EXOC6B: variants seen among roughly 807,000 people sequenced by gnomAD.
EXOC6B encodes SEC15 homolog B.
In EXOC6B, 54 loss-of-function variants were observed where a neutral mutation model predicts 113.5. The ratio of observed to expected loss-of-function variants is 0.48; its 90% CI spans 0.38 to 0.60. The LOEUF (loss-of-function observed/expected upper bound fraction) is 0.60, where lower values mean the gene tolerates loss of function less well. Among genes scored for constraint, EXOC6B ranks in the 20% least tolerant of loss-of-function variants. EXOC6B has a pLI of 0.00. For missense variants in EXOC6B, 797 were observed against 977.5 expected (o/e 0.82, Z 2.46); for synonymous variants, 357 against 339.0 (o/e 1.05, Z -0.58).
rs141461300 is a variant in EXOC6B, at chr2:72,617,790, C to T, written c.670-42122G>A. On this transcript the variant is annotated intron_variant, in intron 6 of 21. Transcript: ENST00000272427. ...TCAGCCGCCCAAAGTGCTAGGATTA[C>T]AGGCTTGAGCCACCGCGCCCGGCCA... Among the ~76,000 whole-genome samples the T allele has an allele frequency of 2.8e-3, 422 of 152,212 alleles. 4 individuals are homozygous for T. The highest frequency in any genetic ancestry group is 8.8e-3 in the African/African-American group (367 of 41,526).
At chr2:72,227,079 A>C (rs1342863516) in intron 20 of EXOC6B, among the ~76,000 whole-genome samples, 1 of 152,218 alleles carries the variant, frequency 6.6e-6, no homozygotes, top group East Asian at 1.9e-4. Context: ...ATAACAAAAC[A>C]AGAGAAGCAA....
rs184166652 is a variant in EXOC6B, at chr2:72,475,465, G to A, written c.1800+5151C>T. On this transcript the variant is annotated intron_variant, in intron 17 of 21. Coordinates refer to ENST00000272427, the MANE Select transcript of EXOC6B (RefSeq NM_015189.3). ...CAGCTGTGGTAGTAGCAGTCATGTG[G>A]GTAGGCCCGACCTCAGGCACCTGGG... 1.3e-3 allele frequency among the ~76,000 whole-genome samples: 193 copies of A among 152,202 alleles called. 2 individuals are homozygous for A. The highest frequency in any genetic ancestry group is 3.7e-3 in the Admixed American group (56 of 15,286).
At chr2:72,355,493 C>T (rs924342231) in intron 19 of EXOC6B, among the ~76,000 whole-genome samples, 2 of 152,110 alleles carry the variant, frequency 1.3e-5, no homozygotes, top group South Asian at 4.1e-4. Flanking sequence ...AAGCAAGAGA[C>T]AAAATTCATT....
At chr2:72,631,208 A>T (rs920507799) in intron 6 of EXOC6B, among the ~76,000 whole-genome samples, 1 of 151,730 alleles carries the variant, frequency 6.6e-6, no homozygotes, top group African/African-American at 2.4e-5. Context: ...ATATATATGC[A>T]TATGTGTATA....
At chr2:72,523,735 C>G (rs911012309) in intron 8 of EXOC6B, among the ~76,000 whole-genome samples, 2 of 136,870 alleles carry the variant, frequency 1.5e-5, no homozygotes, top group Non-Finnish European at 3.0e-5. Context: ...GAGCCGAGAT[C>G]ACGCCACTGC....
At chr2:72,741,116 G>A (rs964883244) in intron 2 of EXOC6B, among the ~76,000 whole-genome samples, 188 bp downstream of exon 2, 2 of 151,968 alleles carry the variant, frequency 1.3e-5, no homozygotes, top group Non-Finnish European at 2.9e-5. Flanking sequence ...AAAAAAAAGG[G>A]GGGGTGGGTA....
intron 20 of EXOC6B, among the ~76,000 whole-genome samples, chr2:72,244,162 C>A (rs901780105): frequency 6.6e-6 from 1 of 152,038 alleles, no homozygotes; most frequent in African/African-American, 2.4e-5. Flanking sequence ...ATAAGATATA[C>A]CTTAACAGAT....
At chr2:72,396,712 A>T (rs1440519950) in intron 18 of EXOC6B, among the ~76,000 whole-genome samples, 1 of 152,104 alleles carries the variant, frequency 6.6e-6, no homozygotes, top group African/African-American at 2.4e-5. Context: ...GGTTTCCCTT[A>T]TTCCTAGTGA....
intron 1 of EXOC6B, among the ~76,000 whole-genome samples, chr2:72,806,082 T>C (rs1340195461): frequency 1.3e-5 from 2 of 152,142 alleles, no homozygotes; most frequent in Non-Finnish European, 2.9e-5. Flanking sequence ...GGTTTGTTAA[T>C]GGGTATATAG....
At chr2:72,437,168 T>C (rs1207908269) in intron 18 of EXOC6B, among the ~76,000 whole-genome samples, 1 of 152,256 alleles carries the variant, frequency 6.6e-6, no homozygotes, top group African/African-American at 2.4e-5. Flanking sequence ...ACTGCAAGTC[T>C]GCTGGAGTTT....
intron 11 of EXOC6B, among the ~76,000 whole-genome samples, chr2:72,507,087 G>C (rs1238236575): frequency 6.6e-6 from 1 of 151,968 alleles, no homozygotes; most frequent in Non-Finnish European, 1.5e-5. Context: ...CTTTCAAAAT[G>C]TTTCAATTTA....
At chr2:72,341,702 A>G (rs565682436) in intron 19 of EXOC6B, among the ~76,000 whole-genome samples, 1 of 152,130 alleles carries the variant, frequency 6.6e-6, no homozygotes, top group Non-Finnish European at 1.5e-5. Flanking sequence ...CAGAAAAGCA[A>G]TAAGAAAACA....
intron 19 of EXOC6B, among the ~76,000 whole-genome samples, chr2:72,352,190 A>G (rs932487082): frequency 5.3e-5 from 8 of 152,208 alleles, no homozygotes; most frequent in Admixed American, 4.6e-4. Flanking sequence ...GTGGTTAAAC[A>G]AAAACAAAAA....
intron 20 of EXOC6B, among the ~76,000 whole-genome samples, chr2:72,228,157 G>A (rs1037605402): frequency 4.6e-5 from 7 of 152,140 alleles, no homozygotes; most frequent in Non-Finnish European, 7.3e-5. Flanking sequence ...CTAAGTATGG[G>A]GCTGATGAGG....
intron 17 of EXOC6B, among the ~76,000 whole-genome samples, chr2:72,470,997 G>C (rs1442777312): frequency 6.6e-6 from 1 of 152,152 alleles, no homozygotes; most frequent in Non-Finnish European, 1.5e-5. Flanking sequence ...TGGGATGGCT[G>C]GGTCAAATGG....
chr2:72,315,095 G>T (rs1012888665), intron 20 of EXOC6B, among the ~76,000 whole-genome samples: 1 of 152,158 alleles, frequency 6.6e-6, no homozygotes, highest in Admixed American at 6.5e-5. Flanking sequence ...TCAGAGGGAA[G>T]TTGCAATCTT....
intron 12 of EXOC6B, among the ~76,000 whole-genome samples, 161 bp from the exon 13 acceptor site, chr2:72,498,712 C>T (rs922908792): frequency 6.6e-6 from 1 of 151,570 alleles, no homozygotes; most frequent in African/African-American, 2.4e-5. Context: ...TCATTCACAC[C>T]TAATATCTAG....
rs1034536791 is a variant in EXOC6B at position 72,359,960 on chromosome 2, C to T, written c.2122+19769G>A. ...CCATGTGACATGCTGGCTCCCCCTTCTCTATCTACCATGAGTAGAAGCTTA... is the reference window on the plus strand; with the variant it reads ...CCATGTGACATGCTGGCTCCCCCTTTTCTATCTACCATGAGTAGAAGCTTA... On this transcript the variant is annotated intron_variant, in intron 19 of 21. Coordinates refer to ENST00000272427, the MANE Select transcript of EXOC6B (RefSeq NM_015189.3). 6.6e-5 allele frequency among the ~76,000 whole-genome samples: 10 copies of T among 152,300 alleles called. No individual in the cohort carries two copies. The East Asian group carries it at 9.7e-4, about 15-fold the overall frequency.
rs778036096 is a variant in EXOC6B, at chr2:72,801,287, AT to A, written c.113+24510del. Among the ~76,000 whole-genome samples the A allele has an allele frequency of 2.4e-3, 365 of 152,354 alleles. 1 individual carries two copies. The highest frequency in any genetic ancestry group is 6.8e-3 in the Middle Eastern group (2 of 294). ...TTTCTGTGTATGTTTGATAACATACATAAATATTTTAGTACTTGCAAATAAT... is the reference window on the plus strand; with the variant it reads ...TTTCTGTGTATGTTTGATAACATACAAAATATTTTAGTACTTGCAAATAAT... On this transcript the variant is annotated intron_variant, in intron 1 of 21. Coordinates refer to ENST00000272427, the MANE Select transcript of EXOC6B (RefSeq NM_015189.3).
Sources: gnomAD v4.1 joint callset for allele counts (sites outside exome capture counted in the v4.1 genomes callset) on GRCh38, gnomAD v4.1.1 for gene constraint, MANE v1.5 for transcripts, NCBI Gene and HGNC (gene_info 2026-07-23, HGNC 2026-07-21) for gene names.